MYEF2: variants seen among roughly 807,000 people sequenced by gnomAD.
MYEF2 encodes myelin expression factor 2, also known as myelin gene expression factor 2.
A neutral mutation model predicts 75.2 loss-of-function variants in MYEF2; 37 were observed. The ratio of observed to expected loss-of-function variants is 0.49; its 90% CI spans 0.38 to 0.65. MYEF2 has a LOEUF of 0.65. MYEF2 is among the 30% of genes least tolerant of loss of function. The pLI, the probability that MYEF2 is intolerant of heterozygous loss-of-function variation, is 0.00. For missense variants in MYEF2, 634 were observed against 771.4 expected, an observed-to-expected ratio of 0.82 and a Z score of 2.11; for synonymous variants, 195 against 241.6, an observed-to-expected ratio of 0.81 and a Z score of 1.79.
Position 48,142,840 on chromosome 15 carries a change from T to TAAAAA in MYEF2, c.*63_*67dup. 6.9e-7 allele frequency: 1 copy of TAAAAA among 1,450,800 alleles called. No individual in the cohort carries two copies. Among genetic ancestry groups the TAAAAA allele is most frequent in the South Asian group, 1.4e-5 (1 of 73,272 alleles). 89.9% of individuals were successfully genotyped at this position (1,450,800 alleles called of 1,614,324 possible). A position where few individuals can be genotyped will look rare whatever the true frequency, so the allele number is the denominator to read the frequency against. On this transcript the variant is annotated 3_prime_UTR_variant, in exon 17 of 17. Coordinates refer to ENST00000324324, the MANE Select transcript of MYEF2 (RefSeq NM_016132.5). ...CTTTTGTAAGCATACAATATTACTT[T>TAAAAA]AAAAAAATGACTTTTACTAGGAGAT...
At chr15:48,159,421 T>C (rs1393737954) in intron 6 of MYEF2, among the ~76,000 whole-genome samples, 192 bp downstream of exon 6, 2 of 152,128 alleles carry the variant, frequency 1.3e-5, no homozygotes, top group African/African-American at 2.4e-5. Context: ...GTATTTAAAC[T>C]CTAACCTTGT....
In MYEF2 at chr15:48,143,007, T is replaced by C; in HGVS notation, c.1704A>G (p.Arg568=). ...NGKSKGCGTV[R]FDSPESAEKA... is the part of the protein sequence containing the mutation. ...TTTCAGCTGATTCTGGGGAGTCAAA[T>C]CTGACTGTTCCACAGCCTTTTGACT... Residue 568 remains arginine (R), a synonymous_variant, in exon 17 of 17, where the codon AGA becomes AGG. Coordinates refer to ENST00000324324, the MANE Select transcript of MYEF2 (RefSeq NM_016132.5). 1 of 1,603,818 alleles carries C rather than the reference T, an allele frequency of 6.2e-7. No individual in the cohort carries two copies. Among genetic ancestry groups the C allele is most frequent in the Non-Finnish European group, 8.5e-7 (1 of 1,175,788 alleles).
chr15:48,168,851 A>T lies in MYEF2; in HGVS notation c.162-12T>A. The T allele has an allele frequency of 6.3e-7, 1 of 1,595,570 alleles. No homozygotes were observed. Among genetic ancestry groups the T allele is most frequent in the Non-Finnish European group, 8.6e-7 (1 of 1,167,378 alleles). ...ATTCATCATTCTCCCTGTGAATTAA[A>T]AAAAGTCAAACAAACAAAAACCCTC... On this transcript the variant is annotated splice_polypyrimidine_tract_variant and intron_variant, in intron 1 of 16. Transcript: ENST00000324324.
chr15:48,162,202 C>T (rs1567263876), intron 5 of MYEF2, among the ~76,000 whole-genome samples: 1 of 152,036 alleles, frequency 6.6e-6, no homozygotes, highest in South Asian at 2.1e-4. Context: ...TTATCTCACA[C>T]TCAGGAACAA....
chr15:48,170,838 G>A (rs2040308929), intron 1 of MYEF2, among the ~76,000 whole-genome samples: 1 of 152,158 alleles, frequency 6.6e-6, no homozygotes, highest in African/African-American at 2.4e-5. Context: ...ATAACATTGT[G>A]CTATAATTTT....
chr15:48,142,177 C>G lies in MYEF2; in HGVS notation c.*731G>C, dbSNP rs1027715443. ...GCAGAGGACTAACTTACATAACCAT[C>G]TCTCTCAACATTTCAATTATTTTTC... On this transcript the variant is annotated 3_prime_UTR_variant, in exon 17 of 17. Coordinates refer to ENST00000324324, the MANE Select transcript of MYEF2 (RefSeq NM_016132.5). 5.0e-6 allele frequency: 8 copies of G among 1,613,740 alleles called. No homozygotes were observed. In the African/African-American group the frequency reaches 1.1e-4, roughly 22 times the overall value.
chr15:48,163,070 T>C (rs1171059007), intron 5 of MYEF2, among the ~76,000 whole-genome samples: 9 of 152,184 alleles, frequency 5.9e-5, no homozygotes, highest in African/African-American at 1.7e-4. Flanking sequence ...GCCGGGCCTC[T>C]TGCATCGAAG....
chr15:48,142,457 C>A lies in MYEF2; in HGVS notation c.*451G>T. 1 of 883,310 alleles carries A rather than the reference C, an allele frequency of 1.1e-6. No individual in the cohort carries two copies. 54.7% of individuals were successfully genotyped at this position (883,310 alleles called of 1,614,324 possible). On this transcript the variant is annotated 3_prime_UTR_variant, in exon 17 of 17. Coordinates refer to ENST00000324324, the MANE Select transcript of MYEF2 (RefSeq NM_016132.5). Reference sequence around the variant, plus strand: ...TTTTAAAAATCTTGAACCTTAGAATCTAAAACTTACAGTAATTTAAAACCA... The same window carrying A: ...TTTTAAAAATCTTGAACCTTAGAATATAAAACTTACAGTAATTTAAAACCA...
chr15:48,147,769 G>A (rs1007973265), intron 16 of MYEF2, among the ~76,000 whole-genome samples: 2 of 151,940 alleles, frequency 1.3e-5, no homozygotes, highest in African/African-American at 4.8e-5. Flanking sequence ...ACAAATTCAT[G>A]TTGTATGTTC....
intron 5 of MYEF2, 111 bp from the exon 6 acceptor site, chr15:48,159,915 C>A: frequency 8.7e-7 from 1 of 1,153,888 alleles, no homozygotes; most frequent in South Asian, 1.5e-5. Context: ...AAATTATTGA[C>A]CCTCTTGAAG....
At chr15:48,161,817 G>A (rs899242445) in intron 5 of MYEF2, among the ~76,000 whole-genome samples, 15 of 147,030 alleles carry the variant, frequency 1.0e-4, no homozygotes, top group Non-Finnish European at 2.1e-4. Context: ...TCAGGTTGGT[G>A]CAAAAGTAAA....
intron 3 of MYEF2, among the ~76,000 whole-genome samples, chr15:48,167,003 C>A (rs2040156431): frequency 6.6e-6 from 1 of 151,804 alleles, no homozygotes; most frequent in Non-Finnish European, 1.5e-5. Context: ...CTATAGCCCT[C>A]AAAAAACTCA....
In MYEF2 at chr15:48,141,275, A is replaced by G. The variant is rs1273577495; in HGVS notation, c.*1633T>C. Reference sequence around the variant, plus strand: ...CTACAAGGCTAGAATGAGTAAAAGTAGCTTTAAAAATGTTTACTTCCAGCC... The same window carrying G: ...CTACAAGGCTAGAATGAGTAAAAGTGGCTTTAAAAATGTTTACTTCCAGCC... On this transcript the variant is annotated 3_prime_UTR_variant, in exon 17 of 17. Transcript: ENST00000324324. 1.1e-5 allele frequency: 15 copies of G among 1,370,346 alleles called. No homozygotes were observed. The highest frequency in any genetic ancestry group is 1.4e-5 in the Non-Finnish European group (14 of 967,236). 84.9% of individuals were successfully genotyped at this position (1,370,346 alleles called of 1,614,324 possible).
chr15:48,177,517 T>G (rs1339166399), intron 1 of MYEF2, among the ~76,000 whole-genome samples: 1 of 151,774 alleles, frequency 6.6e-6, no homozygotes, highest in African/African-American at 2.4e-5. Flanking sequence ...AAACATAGAG[T>G]CTAACAGCAC....
At position 48,149,114 on chromosome 15, in the gene MYEF2, A is replaced by G. The variant is rs1193579678; in HGVS notation, c.1588-31T>C. 4 of 1,612,362 alleles carry G rather than the reference A, an allele frequency of 2.5e-6. No individual in the cohort carries two copies. Among genetic ancestry groups the G allele is most frequent in the Non-Finnish European group, 3.4e-6 (4 of 1,178,920 alleles). ...ATGAAAAGAGGTATTAGTAACATAT[A>G]TACAAGAAAAAAAAGAATTTGAATT... On this transcript the variant is annotated intron_variant, in intron 15 of 16. Transcript: ENST00000324324. This position sits in a 1 kb window ranked among gnomAD's most constrained non-coding sequence, Gnocchi z 4.0.
chr15:48,143,002 T>G lies in MYEF2; in HGVS notation c.1709A>C (p.Asp570Ala). The G allele has an allele frequency of 6.2e-7, 1 of 1,603,586 alleles. No individual in the cohort carries two copies. The highest frequency in any genetic ancestry group is 1.7e-4 in the Middle Eastern group (1 of 6,042). ...KSKGCGTVRF[D>A]SPESAEKACR... ...GGCTTTTTCAGCTGATTCTGGGGAGTCAAATCTGACTGTTCCACAGCCTTT... is the reference window on the plus strand; with the variant it reads ...GGCTTTTTCAGCTGATTCTGGGGAGGCAAATCTGACTGTTCCACAGCCTTT... Residue 570 changes from aspartate to alanine, a missense_variant, in exon 17 of 17, where the codon GAC (aspartate) becomes GCC (alanine). Asp to Ala is a moderately radical substitution (Grantham distance 126). Transcript: ENST00000324324.
chr15:48,166,041 A>C lies in MYEF2; in HGVS notation c.432-15T>G. The C allele has an allele frequency of 6.4e-7, 1 of 1,573,644 alleles. No individual in the cohort carries two copies. Among genetic ancestry groups the C allele is most frequent in the Non-Finnish European group, 8.6e-7 (1 of 1,158,450 alleles). On this transcript the variant is annotated splice_polypyrimidine_tract_variant and intron_variant, in intron 4 of 16. Coordinates refer to ENST00000324324, the MANE Select transcript of MYEF2 (RefSeq NM_016132.5). ...ATTCAACCACACTTAATAGGGAAAAAATTTATAGGAAATGTTTATGTGCTA... is the reference window on the plus strand; with the variant it reads ...ATTCAACCACACTTAATAGGGAAAACATTTATAGGAAATGTTTATGTGCTA...
chr15:48,173,972 T>C (rs2040425420), intron 1 of MYEF2, among the ~76,000 whole-genome samples: 1 of 152,100 alleles, frequency 6.6e-6, no homozygotes, highest in Non-Finnish European at 1.5e-5. Context: ...TAACAGCATT[T>C]TTCACAGAAA....
chr15:48,135,965 T>C lies in MYEF2; in HGVS notation c.*6943A>G, dbSNP rs1039072608. 1.1e-4 allele frequency: 17 copies of C among 152,254 alleles called. No individual in the cohort carries two copies. Among genetic ancestry groups the C allele is most frequent in the Non-Finnish European group, 2.5e-4 (17 of 68,016 alleles). 9.4% of individuals were successfully genotyped at this position (152,254 alleles called of 1,614,324 possible). ...TCCTCCATTAGGGAAATCAGAACTGTTCTTTAAGATACAGCAGACAGAGAT... is the reference window on the plus strand; with the variant it reads ...TCCTCCATTAGGGAAATCAGAACTGCTCTTTAAGATACAGCAGACAGAGAT... On this transcript the variant is annotated 3_prime_UTR_variant, in exon 17 of 17. Transcript: ENST00000324324.
Sources: gnomAD v4.1 joint callset for allele counts (sites outside exome capture counted in the v4.1 genomes callset) on GRCh38, gnomAD v4.1.1 for gene constraint, Gnocchi (gnomAD v3.1) non-coding constraint, MANE v1.5 for transcripts, NCBI Gene and HGNC (gene_info 2026-07-23, HGNC 2026-07-21) for gene names.